Variants in ANKFN1 observed in about 807,000 individuals in gnomAD.
ANKFN1 encodes ankyrin repeat and fibronectin type-III domain-containing protein 1.
Under a neutral mutation model 108.7 loss-of-function variants are expected in ANKFN1, and 74 were observed. The ratio of observed to expected loss-of-function variants is 0.68; its 90% CI spans 0.56 to 0.83. The LOEUF (loss-of-function observed/expected upper bound fraction) is 0.83. Ranked by LOEUF, ANKFN1 falls within the 40% of genes least tolerant of loss-of-function variation. The pLI is 0.00. For missense variants in ANKFN1, 1,505 were observed against 1,382.3 expected (o/e 1.09, Z -1.41); for synonymous variants, 547 against 516.2 (o/e 1.06, Z -0.81).
intron 8 of ANKFN1, among the ~76,000 whole-genome samples, chr17:56,392,125 G>A (rs528149450): frequency 6.6e-6 from 1 of 152,226 alleles, no homozygotes; most frequent in Admixed American, 6.5e-5. Flanking sequence ...AATTCTCACA[G>A]CGTATCTTTA....
At chr17:56,112,694 C>A (rs1030335005) in intron 4 of ANKFN1, among the ~76,000 whole-genome samples, 1 of 152,168 alleles carries the variant, frequency 6.6e-6, no homozygotes, top group African/African-American at 2.4e-5. Flanking sequence ...TGGTCTGCAA[C>A]AAGCTTTTTT....
chr17:56,177,432 G>A (rs1450012018), intron 1 of ANKFN1, among the ~76,000 whole-genome samples: 1 of 152,178 alleles, frequency 6.6e-6, no homozygotes, highest in East Asian at 1.9e-4. Flanking sequence ...GGCTTAAATA[G>A]GCCTCTCAGA....
intron 1 of ANKFN1, among the ~76,000 whole-genome samples, chr17:56,158,554 T>G (rs1339933399): frequency 1.3e-5 from 2 of 152,192 alleles, no homozygotes; most frequent in African/African-American, 4.8e-5. Flanking sequence ...CAAGTGGAGC[T>G]AGAACAGCCT....
chr17:56,307,339 G>A, intron 3 of ANKFN1, among the ~76,000 whole-genome samples: 1 of 152,084 alleles, frequency 6.6e-6, no homozygotes, highest in East Asian at 1.9e-4. Flanking sequence ...CTGACAAAGG[G>A]CTAATATCCA....
At chr17:56,236,955 A>C (rs1049442735) in intron 3 of ANKFN1, among the ~76,000 whole-genome samples, 1 of 152,008 alleles carries the variant, frequency 6.6e-6, no homozygotes, top group African/African-American at 2.4e-5. Context: ...CTTCACTGAG[A>C]GTTTTCAACA....
chr17:56,175,351 A>G (rs1414370051), intron 1 of ANKFN1, among the ~76,000 whole-genome samples: 1 of 152,244 alleles, frequency 6.6e-6, no homozygotes, highest in Admixed American at 6.5e-5. Flanking sequence ...CAAAAAAATA[A>G]CAACTAACAA....
chr17:56,261,288 A>G (rs1028738769), intron 3 of ANKFN1, among the ~76,000 whole-genome samples: 4 of 152,246 alleles, frequency 2.6e-5, no homozygotes, highest in African/African-American at 9.6e-5. Context: ...GAAGACCAAC[A>G]TGAAACACAT....
At chr17:56,332,979 G>GTGTATATATATATATATA (rs570574404) in intron 4 of ANKFN1, among the ~76,000 whole-genome samples, 1 of 147,744 alleles carries the variant, frequency 6.8e-6, no homozygotes, top group African/African-American at 2.5e-5. Flanking sequence ...ATATATGTGT[G>GTGTATATATATATATATA]TATATATATA....
At chr17:56,394,038 T>A (rs1475654249) in intron 8 of ANKFN1, among the ~76,000 whole-genome samples, 1 of 152,252 alleles carries the variant, frequency 6.6e-6, no homozygotes, top group Non-Finnish European at 1.5e-5. Context: ...GGAGCTTGGA[T>A]GTTAGTGGTG....
At chr17:56,429,712 C>T (rs537760842) in intron 8 of ANKFN1, among the ~76,000 whole-genome samples, 1 of 152,182 alleles carries the variant, frequency 6.6e-6, no homozygotes, top group South Asian at 2.1e-4. Flanking sequence ...AGGATTTATG[C>T]TTTGAAAAGA....
chr17:56,510,690 T>C lies in ANKFN1; in HGVS notation c.2862T>C (p.Asp954=). The change falls in exon 21 of 21, where the codon GAT becomes GAC. Residue 954 remains aspartate (D), a synonymous_variant. Transcript: ENST00000682825. ...AAACCCCTCTGGGGCCGGGCCAGGATCCCCAGGGCGAGGGCCCAAATCCCG... is the reference window on the plus strand; with the variant it reads ...AAACCCCTCTGGGGCCGGGCCAGGACCCCCAGGGCGAGGGCCCAAATCCCG... The part of the protein sequence containing the change: ...DVKTPLGPGQ[D]PQGEGPNPDH... 1.3e-6 allele frequency: 2 copies of C among 1,536,030 alleles called. No homozygotes were observed. Among genetic ancestry groups the C allele is most frequent in the African/African-American group, 1.4e-5 (1 of 73,118 alleles).
chr17:56,046,978 C>G lies in ANKFN1; in HGVS notation c.288+653C>G, dbSNP rs184031472. Among the ~76,000 whole-genome samples the G allele has an allele frequency of 1.0e-3, 156 of 152,070 alleles. 10 individuals are homozygous for G. The East Asian group carries it at 0.018, about 18-fold the overall frequency. ...AACTATGGGAAAGTTTTTTCTTTTCCTTTCTTTTCTTTTTTTTTAAATTAA... is the reference window on the plus strand; with the variant it reads ...AACTATGGGAAAGTTTTTTCTTTTCGTTTCTTTTCTTTTTTTTTAAATTAA... On this transcript the variant is annotated intron_variant, in intron 4 of 12. Transcript: ENST00000635860.
intron 8 of ANKFN1, among the ~76,000 whole-genome samples, chr17:56,407,302 A>G (rs1177868705): frequency 6.6e-6 from 1 of 152,220 alleles, no homozygotes; most frequent in East Asian, 1.9e-4. Context: ...GGAAATATTT[A>G]CTGAGCTCTT....
At chr17:56,291,604 A>G (rs1020132993) in intron 3 of ANKFN1, among the ~76,000 whole-genome samples, 4 of 152,170 alleles carry the variant, frequency 2.6e-5, no homozygotes, top group Admixed American at 6.6e-5. Context: ...CCAGCTGCCT[A>G]TAACAGTGGC....
rs911959019 is a variant in ANKFN1, at chr17:56,510,847, C to T, written c.3019C>T (p.His1007Tyr). Reference sequence around the variant, plus strand: ...AAAGCGGAAGCCAGGCAAGCACCCCCACTATGGCGGCTTCAGCCGCCATCA... The same window carrying T: ...AAAGCGGAAGCCAGGCAAGCACCCCTACTATGGCGGCTTCAGCCGCCATCA... ...LGKRKPGKHPHYGGFSRHHRW... is the reference protein window; with the variant it reads ...LGKRKPGKHPYYGGFSRHHRW... Residue 1007 changes from histidine (H) to tyrosine (Y), a missense_variant, in exon 21 of 21, where the codon CAC becomes TAC. By Grantham distance (83) the His-to-Tyr change is moderately conservative. Coordinates refer to ENST00000682825, the MANE Select transcript of ANKFN1 (RefSeq NM_001370326.1). The T allele has an allele frequency of 5.2e-6, 8 of 1,536,046 alleles. No individual in the cohort carries two copies. Among genetic ancestry groups the T allele is most frequent in the Admixed American group, 3.9e-5 (2 of 50,984 alleles).
At chr17:56,374,425 G>A (rs374884295) in intron 7 of ANKFN1, among the ~76,000 whole-genome samples, 176 bp from the exon 8 acceptor site, 26 of 152,116 alleles carry the variant, frequency 1.7e-4, no homozygotes, top group Admixed American at 5.9e-4. Flanking sequence ...GACCCCAATG[G>A]CAACAAATAA....
intron 4 of ANKFN1, among the ~76,000 whole-genome samples, chr17:56,097,744 C>T (rs1905560789): frequency 6.6e-6 from 1 of 152,222 alleles, no homozygotes; most frequent in Admixed American, 6.5e-5. Context: ...GTCTTTTCAT[C>T]CAGGCACACT....
Position 56,513,384 on chromosome 17 carries a change from C to T in ANKFN1, c.*2115C>T, listed in dbSNP as rs968255863. 6.6e-6 allele frequency among the ~76,000 whole-genome samples: 1 copy of T among 152,168 alleles called. No individual in the cohort carries two copies. Among genetic ancestry groups the T allele is most frequent in the African/African-American group, 2.4e-5 (1 of 41,432 alleles). ...AATTAAACAGCAAATTTGGGAAAAA[C>T]ATCATTTCAAATTATGCCTCTTAGT... On this transcript the variant is annotated 3_prime_UTR_variant, in exon 21 of 21. Transcript: ENST00000682825.
chr17:56,209,883 G>C (rs762727304), intron 1 of ANKFN1, among the ~76,000 whole-genome samples: 3 of 151,974 alleles, frequency 2.0e-5, no homozygotes, highest in Non-Finnish European at 2.9e-5. Context: ...TGTCCTCATA[G>C]CTTAGCTCCC....
Sources: allele counts gnomAD v4.1 joint callset (sites outside exome capture counted in the v4.1 genomes callset), GRCh38; gene constraint gnomAD v4.1.1; transcripts MANE v1.5; gene names NCBI Gene and HGNC (gene_info 2026-07-23, HGNC 2026-07-21).